CNTNAP2: variants seen among roughly 807,000 people sequenced by gnomAD.
CNTNAP2 encodes the protein contactin associated protein 2.
A neutral mutation model predicts 155.2 loss-of-function variants in CNTNAP2; 98 were observed. The ratio of observed to expected loss-of-function variants is 0.63; its 90% CI spans 0.54 to 0.75. CNTNAP2 has a LOEUF of 0.75. Ranked by LOEUF, CNTNAP2 falls within the 30% of genes least tolerant of loss-of-function variation. CNTNAP2 has a pLI of 0.00. For synonymous variants in CNTNAP2, 651 were observed against 631.2 expected, an observed-to-expected ratio of 1.03 and a Z score of -0.47; for missense variants, 1,727 against 1,688.1, an observed-to-expected ratio of 1.02 and a Z score of -0.40.
chr7:146,672,368 T>C (rs1252666658), intron 1 of CNTNAP2, among the ~76,000 whole-genome samples: 2 of 152,220 alleles, frequency 1.3e-5, no homozygotes, highest in East Asian at 3.8e-4. Flanking sequence ...ACAATCATGT[T>C]ATCTGTGAAC....
At chr7:146,570,942 C>T (rs1798431489) in intron 1 of CNTNAP2, among the ~76,000 whole-genome samples, 1 of 151,824 alleles carries the variant, frequency 6.6e-6, no homozygotes, top group Non-Finnish European at 1.5e-5. Context: ...AGCATTTAGC[C>T]AAATAATAAG....
At chr7:146,256,077 A>G (rs1799831987) in intron 1 of CNTNAP2, among the ~76,000 whole-genome samples, 1 of 152,240 alleles carries the variant, frequency 6.6e-6, no homozygotes, top group African/African-American at 2.4e-5. Flanking sequence ...GATTTGAAAT[A>G]TCCTATAGGG....
chr7:146,529,657 T>C (rs1248136290), intron 1 of CNTNAP2, among the ~76,000 whole-genome samples: 1 of 152,010 alleles, frequency 6.6e-6, no homozygotes, highest in East Asian at 1.9e-4. Flanking sequence ...GCAGGCAGCA[T>C]ACTGAACTGG....
chr7:148,201,715 T>C (rs1324869011), intron 18 of CNTNAP2, among the ~76,000 whole-genome samples: 1 of 152,044 alleles, frequency 6.6e-6, no homozygotes, highest in African/African-American at 2.4e-5. Flanking sequence ...GCAGGCAGCG[T>C]GCATTTTAAA....
intron 1 of CNTNAP2, among the ~76,000 whole-genome samples, chr7:146,419,183 C>T (rs916798997): frequency 5.3e-5 from 8 of 152,062 alleles, no homozygotes; most frequent in African/African-American, 1.9e-4. Context: ...ATCTTACATG[C>T]CAGCAAACAA....
chr7:147,547,449 G>A, intron 11 of CNTNAP2, among the ~76,000 whole-genome samples: 1 of 151,940 alleles, frequency 6.6e-6, no homozygotes, highest in Non-Finnish European at 1.5e-5. Context: ...CAATCCCCTG[G>A]GCTCCAGACA....
chr7:147,203,791 C>G (rs1223523322), intron 8 of CNTNAP2, among the ~76,000 whole-genome samples: 1 of 152,122 alleles, frequency 6.6e-6, no homozygotes, highest in East Asian at 1.9e-4. Context: ...GTATACCTGA[C>G]ACTGATAGTT....
At chr7:146,697,998 A>T (rs998756558) in intron 1 of CNTNAP2, among the ~76,000 whole-genome samples, 2 of 152,160 alleles carry the variant, frequency 1.3e-5, no homozygotes, top group Middle Eastern at 3.4e-3. Context: ...TGCAATATAC[A>T]TTTGCAATAT....
At chr7:147,178,470 C>T (rs756054630) in intron 8 of CNTNAP2, among the ~76,000 whole-genome samples, 18 of 152,278 alleles carry the variant, frequency 1.2e-4, no homozygotes, top group East Asian at 5.8e-4. Context: ...TTTGCTGGAC[C>T]TCTGACCTAC....
intron 8 of CNTNAP2, among the ~76,000 whole-genome samples, chr7:147,263,285 C>T (rs1305524936): frequency 6.6e-6 from 1 of 151,828 alleles, no homozygotes; most frequent in African/African-American, 2.4e-5. Flanking sequence ...AGCTTCAGCC[C>T]GGGAAGCAGA....
In CNTNAP2 at chr7:148,283,258, AG is replaced by A. The variant is rs367883455; in HGVS notation, c.3475+16133del. On this transcript the variant is annotated intron_variant, in intron 21 of 23. Coordinates refer to ENST00000361727, the MANE Select transcript of CNTNAP2 (RefSeq NM_014141.6). Reference sequence around the variant, plus strand: ...CTGTCTCAAAAAAAAAAAAAAAAAAAGAAAGAAAGAAAGAAAGAAAGAAAGA... The same window carrying A: ...CTGTCTCAAAAAAAAAAAAAAAAAAAAAAGAAAGAAAGAAAGAAAGAAAGA... Among the ~76,000 whole-genome samples the A allele has an allele frequency of 9.5e-3, 529 of 55,592 alleles. 26 individuals carry two copies. Among genetic ancestry groups the A allele is most frequent in the African/African-American group, 0.04 (485 of 11,984 alleles). The allele number at this position is 55,592 out of a possible 152,430, so 36.5% of individuals were successfully genotyped here. A position where few individuals can be genotyped will look rare whatever the true frequency, so the allele number is the denominator to read the frequency against.
chr7:146,398,870 T>A (rs1011231313), intron 1 of CNTNAP2, among the ~76,000 whole-genome samples: 1 of 151,974 alleles, frequency 6.6e-6, no homozygotes. Context: ...TTAGAAAACC[T>A]ATTTCTTTTT....
In CNTNAP2 at chr7:147,819,456, T is replaced by A. The variant is rs1209271398; in HGVS notation, c.2099-84109T>A. Among the ~76,000 whole-genome samples the A allele has an allele frequency of 2.0e-5, 3 of 151,710 alleles. No individual in the cohort carries two copies. The East Asian group carries it at 5.9e-4, about 30-fold the overall frequency. On this transcript the variant is annotated intron_variant, in intron 13 of 23. Coordinates refer to ENST00000361727, the MANE Select transcript of CNTNAP2 (RefSeq NM_014141.6). The stretch of plus-strand genomic sequence containing the variant: ...TCTGTATTCCAGATCTTGATCCTCA[T>A]TTTAAACATTCATTTCCTTTATTTA...
chr7:146,553,812 C>A, intron 1 of CNTNAP2, among the ~76,000 whole-genome samples: 1 of 152,024 alleles, frequency 6.6e-6, no homozygotes, highest in Non-Finnish European at 1.5e-5. Flanking sequence ...AGTGTGAGCT[C>A]TTCTCACTTC....
intron 13 of CNTNAP2, chr7:147,704,176 T>C (rs1796276551): frequency 6.6e-6 from 1 of 152,206 alleles, no homozygotes; most frequent in Non-Finnish European, 1.5e-5. Context: ...TATTCGCTAA[T>C]ACATTTTCTT....
chr7:146,191,551 G>A (rs1446392275), intron 1 of CNTNAP2, among the ~76,000 whole-genome samples: 4 of 152,240 alleles, frequency 2.6e-5, no homozygotes, highest in East Asian at 3.9e-4. Context: ...CGTCCTAATA[G>A]GCCTGGGAGT....
At chr7:148,058,343 G>A (rs533918124) in intron 15 of CNTNAP2, among the ~76,000 whole-genome samples, 1 of 152,232 alleles carries the variant, frequency 6.6e-6, no homozygotes, top group African/African-American at 2.4e-5. Context: ...TATGCCAGTG[G>A]GGAGAAACCA....
intron 3 of CNTNAP2, among the ~76,000 whole-genome samples, chr7:146,849,762 C>T (rs984723911): frequency 5.9e-5 from 9 of 152,056 alleles, no homozygotes; most frequent in East Asian, 1.9e-4. Context: ...AGTATTATTA[C>T]GAATGCTATC....
intron 8 of CNTNAP2, among the ~76,000 whole-genome samples, chr7:147,173,796 C>T (rs1452571176): frequency 6.6e-6 from 1 of 152,112 alleles, no homozygotes; most frequent in African/African-American, 2.4e-5. Context: ...GACATTGCAT[C>T]CCGGGAAGCA....
Sources: gnomAD v4.1 joint callset for allele counts (sites outside exome capture counted in the v4.1 genomes callset) on GRCh38, gnomAD v4.1.1 for gene constraint, MANE v1.5 for transcripts, NCBI Gene and HGNC (gene_info 2026-07-23, HGNC 2026-07-21) for gene names.